The following MAP1B variants were observed in gnomAD, a reference collection of about 807,000 sequenced individuals.
The protein encoded by MAP1B is microtubule associated protein 1B.
MAP1B carries 12 observed loss-of-function variants against 176.1 expected under a neutral mutation model. The ratio of observed to expected loss-of-function variants is 0.07; its 90% CI spans 0.04 to 0.11. MAP1B has a LOEUF of 0.11. MAP1B is among the 10% of genes least tolerant of loss of function. The pLI is 1.00. For missense variants in MAP1B, 2,523 were observed against 2,990.5 expected, an observed-to-expected ratio of 0.84 and a Z score of 3.65; for synonymous variants, 1,044 against 1,135.0, an observed-to-expected ratio of 0.92 and a Z score of 1.61.
intron 1 of MAP1B, 29 bp downstream of exon 1, chr5:72,107,744 G>A (rs764590760): frequency 2.5e-6 from 4 of 1,595,548 alleles, no homozygotes; most frequent in Non-Finnish European, 3.4e-6. Flanking sequence ...CCAGAGACGC[G>A]CGCTGGGAGA....
intron 4 of MAP1B, chr5:72,193,255 G>GTT (rs34485863): frequency 4.9e-6 from 2 of 407,460 alleles, no homozygotes; most frequent in Non-Finnish European, 4.8e-6. Context: ...ACCCACCAAG[G>GTT]TTTTTTCTTT....
At position 72,173,312 on chromosome 5, in the gene MAP1B, G is replaced by A. The variant is rs76584049; in HGVS notation, c.287-10431G>A. Among the ~76,000 whole-genome samples the A allele has an allele frequency of 8.0e-3, 1,218 of 152,236 alleles. 14 individuals carry two copies. Among genetic ancestry groups the A allele is most frequent in the African/African-American group, 0.028 (1,151 of 41,538 alleles). Reference sequence around the variant, plus strand: ...AAAAACACTGTCTCCTGTTTAAACCGTATTTCTTCAGGATAGGGGTAGCAT... The same window carrying A: ...AAAAACACTGTCTCCTGTTTAAACCATATTTCTTCAGGATAGGGGTAGCAT... On this transcript the variant is annotated intron_variant, in intron 2 of 6. Coordinates refer to ENST00000296755, the MANE Select transcript of MAP1B (RefSeq NM_005909.5).
At chr5:72,118,578 A>G (rs1745472049) in intron 2 of MAP1B, among the ~76,000 whole-genome samples, 1 of 151,982 alleles carries the variant, frequency 6.6e-6, no homozygotes, top group Non-Finnish European at 1.5e-5. Flanking sequence ...AGCCCCCTGC[A>G]TCAAATCCAG....
chr5:72,108,911 C>G lies in MAP1B; in HGVS notation c.184+1196C>G, dbSNP rs567961885. Reference sequence around the variant, plus strand: ...TCGCCGGGTCCCTCCGCAGCCCCAGCCCGCGCTCTATTCTCCTGGGGTGGT... The same window carrying G: ...TCGCCGGGTCCCTCCGCAGCCCCAGGCCGCGCTCTATTCTCCTGGGGTGGT... On this transcript the variant is annotated intron_variant, in intron 1 of 6. Transcript: ENST00000296755. Among the ~76,000 whole-genome samples the G allele has an allele frequency of 2.6e-5, 4 of 152,360 alleles. No homozygotes were observed. In the South Asian group the frequency reaches 8.3e-4, roughly 32 times the overall value.
intron 1 of MAP1B, among the ~76,000 whole-genome samples, chr5:72,108,736 C>T (rs939966195): frequency 5.9e-5 from 9 of 152,100 alleles, no homozygotes; most frequent in Non-Finnish European, 1.2e-4. Context: ...GCTTGCGCTC[C>T]GCCCGGGCCT....
chr5:72,207,807 C>G lies in MAP1B; in HGVS notation c.*2568C>G, dbSNP rs922273977. On this transcript the variant is annotated 3_prime_UTR_variant, in exon 7 of 7. Transcript: ENST00000296755. Reference sequence around the variant, plus strand: ...AAATCCAGACCTCTGGTTGATTTTTCTTTGACAGAAGATGCAAGTTATTTT... The same window carrying G: ...AAATCCAGACCTCTGGTTGATTTTTGTTTGACAGAAGATGCAAGTTATTTT... The G allele has an allele frequency of 6.6e-6, 1 of 152,138 alleles. No individual in the cohort carries two copies. The highest frequency in any genetic ancestry group is 2.1e-4 in the South Asian group (1 of 4,828). The allele number at this position is 152,138 out of a possible 1,614,324, so 9.4% of individuals were successfully genotyped here. A position where few individuals can be genotyped will look rare whatever the true frequency, so the allele number is the denominator to read the frequency against.
At chr5:72,183,437 A>AC (rs1166176417) in intron 2 of MAP1B, among the ~76,000 whole-genome samples, 1 of 152,044 alleles carries the variant, frequency 6.6e-6, no homozygotes, top group East Asian at 1.9e-4. Context: ...CCTGGCACCC[A>AC]CCCTTGTCTC....
intron 4 of MAP1B, chr5:72,193,422 T>G: frequency 3.1e-6 from 1 of 325,116 alleles, no homozygotes; most frequent in Non-Finnish European, 6.1e-6. Context: ...CCAGACAGCT[T>G]TCTCTTGTGA....
chr5:72,133,318 AC>A (rs1346989798), intron 2 of MAP1B, among the ~76,000 whole-genome samples: 57 of 152,028 alleles, frequency 3.7e-4, no homozygotes, highest in African/African-American at 1.3e-3. Flanking sequence ...TCTCTCCTCT[AC>A]CCCCAGCTCT....
chr5:72,108,249 A>G (rs1298330976), intron 1 of MAP1B, among the ~76,000 whole-genome samples: 1 of 152,166 alleles, frequency 6.6e-6, no homozygotes, highest in South Asian at 2.1e-4. Flanking sequence ...TTCTTTCCTC[A>G]GAATGACTAG....
chr5:72,186,499 A>G lies in MAP1B; in HGVS notation c.370-115A>G, dbSNP rs919222765. 7.8e-6 allele frequency: 10 copies of G among 1,284,382 alleles called. No homozygotes were observed. Among genetic ancestry groups the G allele is most frequent in the Non-Finnish European group, 9.7e-6 (9 of 924,838 alleles). 79.6% of individuals were successfully genotyped at this position (1,284,382 alleles called of 1,614,324 possible). Reference sequence around the variant, plus strand: ...CCAGGAGAAATTAGACCTTTGGGGAATGAATGCTTTTTGCTGGTAATAAAC... The same window carrying G: ...CCAGGAGAAATTAGACCTTTGGGGAGTGAATGCTTTTTGCTGGTAATAAAC... On this transcript the variant is annotated intron_variant, in intron 3 of 6. Coordinates refer to ENST00000296755, the MANE Select transcript of MAP1B (RefSeq NM_005909.5). The surrounding 1 kb of genome is among the most constrained non-coding windows in gnomAD (Gnocchi z 4.3).
chr5:72,176,076 G>A (rs1159748105), intron 2 of MAP1B, among the ~76,000 whole-genome samples: 1 of 152,208 alleles, frequency 6.6e-6, no homozygotes, highest in East Asian at 1.9e-4. Flanking sequence ...GAAAAGAAAT[G>A]TCATTTCTAG....
intron 2 of MAP1B, among the ~76,000 whole-genome samples, chr5:72,136,061 C>T (rs2112147675): frequency 6.6e-6 from 1 of 152,226 alleles, no homozygotes; most frequent in Non-Finnish European, 1.5e-5. Flanking sequence ...AATCACCTGT[C>T]CTGATGCCCT....
intron 2 of MAP1B, among the ~76,000 whole-genome samples, chr5:72,131,713 G>C (rs1393895667): frequency 6.6e-6 from 1 of 152,094 alleles, no homozygotes; most frequent in Non-Finnish European, 1.5e-5. Flanking sequence ...ACATAATTAG[G>C]GCTCCAGAGT....
chr5:72,157,019 T>A (rs546820373), intron 2 of MAP1B, among the ~76,000 whole-genome samples: 30 of 152,274 alleles, frequency 2.0e-4, no homozygotes, highest in African/African-American at 7.0e-4. Flanking sequence ...TCCTTGTAGG[T>A]TTATTTGTAG....
chr5:72,114,695 G>T (rs1745402456), intron 1 of MAP1B, among the ~76,000 whole-genome samples: 1 of 152,340 alleles, frequency 6.6e-6, no homozygotes, highest in South Asian at 2.1e-4. Context: ...CTTCTATGAT[G>T]CTCTCTGGGG....
intron 4 of MAP1B, among the ~76,000 whole-genome samples, chr5:72,188,605 C>G (rs181566913): frequency 6.6e-6 from 1 of 152,158 alleles, no homozygotes; most frequent in Non-Finnish European, 1.5e-5. Context: ...AATATCCCTC[C>G]TTCCCCTTCT....
At chr5:72,171,871 C>T (rs192366798) in intron 2 of MAP1B, among the ~76,000 whole-genome samples, 398 of 152,240 alleles carry the variant, frequency 2.6e-3, no homozygotes, top group Non-Finnish European at 4.6e-3. Context: ...ACACAGGCAC[C>T]GTGCAAAGAG....
intron 2 of MAP1B, among the ~76,000 whole-genome samples, chr5:72,148,193 C>T (rs1238831840): frequency 6.6e-6 from 1 of 152,028 alleles, no homozygotes; most frequent in Non-Finnish European, 1.5e-5. Flanking sequence ...CTTATGGAAC[C>T]AAAGAACAGC....
Sources: gnomAD v4.1 joint callset for allele counts (sites outside exome capture counted in the v4.1 genomes callset) on GRCh38, gnomAD v4.1.1 for gene constraint, Gnocchi (gnomAD v3.1) non-coding constraint, MANE v1.5 for transcripts, NCBI Gene and HGNC (gene_info 2026-07-23, HGNC 2026-07-21) for gene names.